The following EFCAB5 variants were observed in gnomAD, a reference collection of about 807,000 sequenced individuals.
EFCAB5 encodes EF-hand calcium binding domain 5, also known as EF-hand calcium-binding domain-containing protein 5.
Under a neutral mutation model 167.9 loss-of-function variants are expected in EFCAB5, and 131 were observed. The ratio of observed to expected loss-of-function variants is 0.78; its 90% CI spans 0.68 to 0.90. The LOEUF (loss-of-function observed/expected upper bound fraction) is 0.90, where lower values mean the gene tolerates loss of function less well. Among genes scored for constraint, EFCAB5 ranks in the 40% least tolerant of loss-of-function variants. The pLI is 0.00. For synonymous variants in EFCAB5, 574 were observed against 602.8 expected (o/e 0.95, Z 0.70); for missense variants, 1,663 against 1,745.2 (o/e 0.95, Z 0.84).
In EFCAB5 at chr17:30,053,717, C is replaced by T. The variant is rs761274904; in HGVS notation, c.1763C>T (p.Pro588Leu). ...QHKGSIEGQG[P>L]RRVSVSEQGS... is the part of the protein sequence containing the mutation. ...AAAGGGTCAATAGAAGGACAAGGAC[C>T]ACGCAGAGTGTCAGTTTCAGAACAA... is the stretch of plus-strand genomic sequence containing the variant. Residue 588 changes from proline to leucine, a missense_variant, in exon 10 of 23, where the codon CCA becomes CTA. By Grantham distance (98) the Pro-to-Leu change is moderately conservative. Coordinates refer to ENST00000394835, the MANE Select transcript of EFCAB5 (RefSeq NM_198529.4). The T allele has an allele frequency of 1.6e-5, 26 of 1,613,848 alleles. No homozygotes were observed. The highest frequency in any genetic ancestry group is 2.2e-5 in the Non-Finnish European group (26 of 1,179,856).
intron 7 of EFCAB5, among the ~76,000 whole-genome samples, chr17:30,008,195 G>T (rs1052009723): frequency 3.3e-5 from 5 of 152,090 alleles, no homozygotes; most frequent in Admixed American, 1.3e-4. Context: ...TAAAGGAATA[G>T]CAGATACATT....
chr17:29,941,725 C>T lies in EFCAB5; in HGVS notation c.-72C>T, dbSNP rs1362762816. 20 of 1,359,584 alleles carry T rather than the reference C, an allele frequency of 1.5e-5. No homozygotes were observed. The highest frequency in any genetic ancestry group is 1.8e-5 in the Non-Finnish European group (18 of 985,538). 84.2% of individuals were successfully genotyped at this position (1,359,584 alleles called of 1,614,324 possible). Reference sequence around the variant, plus strand: ...ACTTTGTGATGTTTATTAATATTTTCTTTCTTTTTGTTATTAATACTGGTC... The same window carrying T: ...ACTTTGTGATGTTTATTAATATTTTTTTTCTTTTTGTTATTAATACTGGTC... On this transcript the variant is annotated 5_prime_UTR_variant, in exon 1 of 23. Coordinates refer to ENST00000394835, the MANE Select transcript of EFCAB5 (RefSeq NM_198529.4).
At chr17:30,012,323 T>TC (rs1213909885) in intron 7 of EFCAB5, among the ~76,000 whole-genome samples, 1 of 152,200 alleles carries the variant, frequency 6.6e-6, no homozygotes, top group Non-Finnish European at 1.5e-5. Context: ...CCTAACTGTC[T>TC]CCCTGTGATG....
In EFCAB5 at chr17:29,968,938, C is replaced by T; in HGVS notation, c.338C>T (p.Thr113Ile). ...ETELKSKPEHTWKKNLFERME... is the reference protein window; with the variant it reads ...ETELKSKPEHIWKKNLFERME... ...GAACTGAAATCAAAGCCAGAGCACA[C>T]ATGGAAGAAAAACCTTTTTGAAAGA... is the stretch of plus-strand genomic sequence containing the variant. Residue 113 changes from threonine (T) to isoleucine (I), a missense_variant, in exon 4 of 23, where the codon ACA (threonine) becomes ATA (isoleucine). Transcript: ENST00000394835. 1 of 1,585,088 alleles carries T rather than the reference C, an allele frequency of 6.3e-7. No homozygotes were observed. Among genetic ancestry groups the T allele is most frequent in the Non-Finnish European group, 8.6e-7 (1 of 1,165,392 alleles).
chr17:30,007,814 C>T (rs1481919064), intron 7 of EFCAB5, among the ~76,000 whole-genome samples: 1 of 152,072 alleles, frequency 6.6e-6, no homozygotes, highest in African/African-American at 2.4e-5. Context: ...TAGTGGGACC[C>T]TGTCTGTACA....
intron 4 of EFCAB5, among the ~76,000 whole-genome samples, chr17:29,992,770 T>C (rs535012237): frequency 5.8e-4 from 89 of 152,374 alleles, no homozygotes; most frequent in African/African-American, 2.0e-3. Context: ...GCCATCTCTT[T>C]GACAAACTGA....
intron 1 of EFCAB5, among the ~76,000 whole-genome samples, chr17:29,933,905 G>T (rs1376045834): frequency 6.6e-6 from 1 of 151,984 alleles, no homozygotes; most frequent in Non-Finnish European, 1.5e-5. Context: ...AATAGTATTT[G>T]TACAGCACAC....
chr17:30,065,427 C>T (rs1045793397), intron 14 of EFCAB5, among the ~76,000 whole-genome samples: 1 of 152,118 alleles, frequency 6.6e-6, no homozygotes, highest in African/African-American at 2.4e-5. Context: ...ATTTCGGGAG[C>T]TGAGGCAGGC....
At chr17:30,089,318 C>T (rs919601245) in intron 19 of EFCAB5, among the ~76,000 whole-genome samples, 1 of 152,176 alleles carries the variant, frequency 6.6e-6, no homozygotes, top group African/African-American at 2.4e-5. Flanking sequence ...CGAGACACAA[C>T]ACAAAGTGGT....
At chr17:29,954,898 G>A (rs970325216) in intron 3 of EFCAB5, among the ~76,000 whole-genome samples, 2 of 152,198 alleles carry the variant, frequency 1.3e-5, no homozygotes. Flanking sequence ...ACCTGGATGT[G>A]AGACACAGAG....
intron 7 of EFCAB5, among the ~76,000 whole-genome samples, chr17:30,011,363 G>A (rs1305638740): frequency 1.3e-5 from 2 of 152,112 alleles, no homozygotes; most frequent in African/African-American, 2.4e-5. Context: ...TAGCTTGATG[G>A]GGATGGCACT....
chr17:30,011,755 G>A (rs2068907377), intron 7 of EFCAB5, among the ~76,000 whole-genome samples: 1 of 152,184 alleles, frequency 6.6e-6, no homozygotes, highest in Non-Finnish European at 1.5e-5. Context: ...TCTGCAAACA[G>A]GGACTATTTG....
chr17:30,031,149 C>T (rs568188426), intron 7 of EFCAB5, among the ~76,000 whole-genome samples: 2 of 152,206 alleles, frequency 1.3e-5, no homozygotes, highest in African/African-American at 4.8e-5. Context: ...AAGGATCAAA[C>T]AACAGGATCT....
intron 14 of EFCAB5, chr17:30,065,562 G>A (rs1597752411): frequency 6.6e-6 from 1 of 152,322 alleles, no homozygotes; most frequent in Admixed American, 6.5e-5. Context: ...TCAGGAGGCT[G>A]ACGTGGGAGA....
rs201197242 is a variant in EFCAB5 at position 29,941,839 on chromosome 17, G to A, written c.42+1G>A. ...TCAAGAGGAACTCAGACCTGCTCAG[G>A]TTCTTGTCCTACATAGGTTTATCAC... On this transcript the variant is annotated splice_donor_variant, in intron 1 of 22. Transcript: ENST00000394835. LOFTEE classifies it high-confidence loss of function. 6,290 of 1,602,532 alleles carry A rather than the reference G, an allele frequency of 3.9e-3. 74 individuals are homozygous for A. Among genetic ancestry groups the A allele is most frequent in the Non-Finnish European group, 4.0e-3 (4,677 of 1,173,668 alleles).
chr17:29,969,045 A>C lies in EFCAB5; in HGVS notation c.445A>C (p.Lys149Gln), dbSNP rs959891723. Residue 149 changes from lysine to glutamine, a missense_variant, in exon 4 of 23, where the codon AAA becomes CAA. By Grantham distance (53) the Lys-to-Gln change is moderately conservative. Coordinates refer to ENST00000394835, the MANE Select transcript of EFCAB5 (RefSeq NM_198529.4). ...GAAGGAACTAGAAAAAAAGGCTGAA[A>C]AAAAACTCCCTAGGGATAATTTGGC... ...LKKELEKKAE[K>Q]KLPRDNLAKE... 2 of 1,601,044 alleles carry C rather than the reference A, an allele frequency of 1.2e-6. No homozygotes were observed. Among genetic ancestry groups the C allele is most frequent in the African/African-American group, 2.7e-5 (2 of 74,224 alleles).
intron 7 of EFCAB5, among the ~76,000 whole-genome samples, chr17:30,026,904 C>A (rs990488066): frequency 7.8e-6 from 1 of 128,274 alleles, no homozygotes; most frequent in Non-Finnish European, 1.6e-5. Flanking sequence ...AAAATTTCAT[C>A]TTCTGCTTTT....
chr17:29,968,005 G>A (rs896450943), intron 3 of EFCAB5, among the ~76,000 whole-genome samples: 4 of 151,428 alleles, frequency 2.6e-5, no homozygotes, highest in Admixed American at 1.3e-4. Flanking sequence ...CTCCTGAGTA[G>A]TTGGGACCAC....
intron 14 of EFCAB5, among the ~76,000 whole-genome samples, chr17:30,076,795 A>G (rs2070876442): frequency 6.6e-6 from 1 of 152,236 alleles, no homozygotes; most frequent in South Asian, 2.1e-4. Context: ...ATTGAGAATA[A>G]CCGAAACACC....
Sources: allele counts gnomAD v4.1 joint callset (sites outside exome capture counted in the v4.1 genomes callset), GRCh38; gene constraint gnomAD v4.1.1; transcripts MANE v1.5; gene names NCBI Gene and HGNC (gene_info 2026-07-23, HGNC 2026-07-21).